Variants in RIMS1 observed in about 807,000 individuals in gnomAD.
RIMS1 encodes the protein regulating synaptic membrane exocytosis protein 1.
A neutral mutation model predicts 214.1 loss-of-function variants in RIMS1; 83 were observed. The observed-to-expected ratio is 0.39, with a 90% confidence interval of 0.32 to 0.47. The LOEUF (loss-of-function observed/expected upper bound fraction) is 0.47, where lower values mean the gene tolerates loss of function less well. Ranked by LOEUF, RIMS1 falls within the 20% of genes least tolerant of loss-of-function variation. The pLI, the probability that RIMS1 is intolerant of heterozygous loss-of-function variation, is 0.99. For missense variants in RIMS1, 2,050 were observed against 2,161.8 expected, an observed-to-expected ratio of 0.95 and a Z score of 1.03; for synonymous variants, 793 against 786.8, an observed-to-expected ratio of 1.01 and a Z score of -0.13.
chr6:72,043,568 T>C (rs1273883895), intron 2 of RIMS1, among the ~76,000 whole-genome samples: 5 of 151,780 alleles, frequency 3.3e-5, no homozygotes, highest in Non-Finnish European at 7.4e-5. Flanking sequence ...GTTGAGAACA[T>C]TTGGTTTAAC....
chr6:72,384,794 G>A (rs1424720519), intron 29 of RIMS1, among the ~76,000 whole-genome samples: 1 of 152,058 alleles, frequency 6.6e-6, no homozygotes, highest in East Asian at 1.9e-4. Flanking sequence ...CATGTTTACT[G>A]TATTCCCTAT....
At chr6:72,196,367 C>T (rs570587016) in intron 6 of RIMS1, among the ~76,000 whole-genome samples, 3 of 120,990 alleles carry the variant, frequency 2.5e-5, no homozygotes, top group Admixed American at 1.7e-4. Context: ...GTCTGTCTGT[C>T]TGTCTGTCTG....
In RIMS1 at chr6:72,390,612, A is replaced by G; in HGVS notation, c.4381A>G (p.Lys1461Glu). Residue 1461 changes from lysine (K) to glutamate (E), a missense_variant, in exon 30 of 34, where the codon AAG becomes GAG. Physicochemically the swap from Lys to Glu is moderately conservative, Grantham distance 56. Around this residue, in one of 6 missense-constraint regions of RIMS1, gnomAD observed 889 missense variants for 885.5 expected, o/e 1.00. Coordinates refer to ENST00000521978, the MANE Select transcript of RIMS1 (RefSeq NM_014989.7). ...QLSQTESGHK[K>E]LKSTIQRSTE... ...TCTCCTGTCAGAGTCGGGCCACAAA[A>G]AGTTAAAAAGTACCATCCAGAGAAG... is the stretch of plus-strand genomic sequence containing the variant. The G allele has an allele frequency of 6.2e-7, 1 of 1,613,500 alleles. No homozygotes were observed. Among genetic ancestry groups the G allele is most frequent in the Non-Finnish European group, 8.5e-7 (1 of 1,179,572 alleles).
At chr6:72,311,408 T>C (rs1393324204) in intron 27 of RIMS1, among the ~76,000 whole-genome samples, 1 of 152,242 alleles carries the variant, frequency 6.6e-6, no homozygotes, top group Non-Finnish European at 1.5e-5. Flanking sequence ...GTCAGAATCA[T>C]GTTATTAAAT....
At chr6:72,273,682 C>A (rs1018377586) in intron 22 of RIMS1, among the ~76,000 whole-genome samples, 1 of 152,134 alleles carries the variant, frequency 6.6e-6, no homozygotes, top group South Asian at 2.1e-4. Context: ...TTTATCATTT[C>A]ATGTATCTAT....
At chr6:71,895,132 G>A (rs1421732005) in intron 1 of RIMS1, among the ~76,000 whole-genome samples, 3 of 152,166 alleles carry the variant, frequency 2.0e-5, no homozygotes, top group Admixed American at 6.6e-5. Flanking sequence ...CTCACAAGTG[G>A]AAACTAATGT....
intron 4 of RIMS1, among the ~76,000 whole-genome samples, chr6:72,164,506 G>C (rs2045982117): frequency 6.6e-6 from 1 of 152,174 alleles, no homozygotes; most frequent in African/African-American, 2.4e-5. Context: ...GTAGACTGGA[G>C]CTGTTCCTAT....
At chr6:72,080,556 T>C (rs1833111454) in intron 2 of RIMS1, among the ~76,000 whole-genome samples, 2 of 152,202 alleles carry the variant, frequency 1.3e-5, no homozygotes, top group Admixed American at 1.3e-4. Context: ...CTGCTCAGAC[T>C]CTTCCAATGG....
At chr6:72,071,404 TA>T (rs1198386900) in intron 2 of RIMS1, among the ~76,000 whole-genome samples, 2 of 151,990 alleles carry the variant, frequency 1.3e-5, no homozygotes, top group African/African-American at 4.8e-5. Context: ...ACCTTATCTT[TA>T]AAAAACAAAG....
chr6:71,952,444 A>G (rs1456058285), intron 1 of RIMS1, among the ~76,000 whole-genome samples: 1 of 152,208 alleles, frequency 6.6e-6, no homozygotes, highest in East Asian at 1.9e-4. Context: ...AGAGACTCTA[A>G]TCATTCTCAT....
chr6:72,049,275 T>C (rs888814789), intron 2 of RIMS1, among the ~76,000 whole-genome samples: 6 of 152,050 alleles, frequency 3.9e-5, no homozygotes, highest in Admixed American at 1.3e-4. Context: ...TTTTTCCTTA[T>C]GTGTTCACTG....
chr6:72,090,201 C>A (rs1316408998), intron 2 of RIMS1, among the ~76,000 whole-genome samples: 1 of 152,116 alleles, frequency 6.6e-6, no homozygotes, highest in African/African-American at 2.4e-5. Context: ...GAGATTGGGT[C>A]TAGCTTTGTT....
intron 2 of RIMS1, among the ~76,000 whole-genome samples, chr6:72,089,668 G>A (rs1187646606): frequency 6.6e-6 from 1 of 151,066 alleles, no homozygotes; most frequent in East Asian, 2.0e-4. Context: ...CCCATTACTG[G>A]GTATATACCC....
intron 2 of RIMS1, among the ~76,000 whole-genome samples, chr6:71,983,657 TTG>T (rs958267040): frequency 6.6e-6 from 1 of 152,126 alleles, no homozygotes; most frequent in Non-Finnish European, 1.5e-5. Context: ...GCCATCTTCT[TTG>T]TGTTTTCTTT....
At chr6:72,321,587 C>T (rs1056869741) in intron 28 of RIMS1, among the ~76,000 whole-genome samples, 2 of 152,020 alleles carry the variant, frequency 1.3e-5, no homozygotes, top group African/African-American at 4.8e-5. Context: ...TGGAAGCCAC[C>T]CAGATTTTTA....
intron 1 of RIMS1, among the ~76,000 whole-genome samples, chr6:71,888,879 C>T (rs1768689746): frequency 6.6e-6 from 1 of 152,216 alleles, no homozygotes; most frequent in South Asian, 2.1e-4. Context: ...TAATCTGCTG[C>T]CTGTCCCTAG....
At chr6:72,142,536 A>G (rs1460061051) in intron 4 of RIMS1, among the ~76,000 whole-genome samples, 3 of 152,218 alleles carry the variant, frequency 2.0e-5, no homozygotes, top group South Asian at 2.1e-4. Context: ...ACCCCAGATC[A>G]TCAATAAAAG....
At chr6:72,181,276 G>A (rs769809065) in intron 5 of RIMS1, among the ~76,000 whole-genome samples, 7 of 152,188 alleles carry the variant, frequency 4.6e-5, no homozygotes, top group Non-Finnish European at 1.5e-5. Context: ...GCTACACAGC[G>A]TATAAGAGGG....
intron 1 of RIMS1, among the ~76,000 whole-genome samples, chr6:71,964,865 C>A (rs1024077253): frequency 1.3e-5 from 2 of 152,076 alleles, no homozygotes; most frequent in Non-Finnish European, 2.9e-5. Flanking sequence ...TGAAGAATGG[C>A]ATGAAGCACT....
Sources: allele counts gnomAD v4.1 joint callset (sites outside exome capture counted in the v4.1 genomes callset), GRCh38; gene constraint gnomAD v4.1.1; regional missense constraint gnomAD v4.1.1; transcripts MANE v1.5; gene names NCBI Gene and HGNC (gene_info 2026-07-23, HGNC 2026-07-21).